Variants in UBAP2 observed in about 807,000 individuals in gnomAD.
The protein encoded by UBAP2 is ubiquitin associated protein 2.
Under a neutral mutation model 139.6 loss-of-function variants are expected in UBAP2, and 75 were observed. The ratio of observed to expected loss-of-function variants is 0.54; its 90% CI spans 0.45 to 0.65. The LOEUF is 0.65. Ranked by LOEUF, UBAP2 falls within the 30% of genes least tolerant of loss-of-function variation. UBAP2 has a pLI of 0.00. For synonymous variants in UBAP2, 526 were observed against 526.2 expected (o/e 1.00, Z 0.01); for missense variants, 1,368 against 1,369.6 (o/e 1.00, Z 0.02).
chr9:33,924,414 G>A, intron 22 of UBAP2, 130 bp from the exon 23 acceptor site: 3 of 877,972 alleles, frequency 3.4e-6, no homozygotes, highest in Non-Finnish European at 5.5e-6. Flanking sequence ...AGCAGTCCCA[G>A]GGAACGCCAA....
chr9:33,942,904 A>G (rs1161341813), intron 15 of UBAP2, among the ~76,000 whole-genome samples: 3 of 152,184 alleles, frequency 2.0e-5, no homozygotes, highest in Non-Finnish European at 4.4e-5. Context: ...AGTTTCCTGA[A>G]TGGTTAAGTT....
intron 2 of UBAP2, among the ~76,000 whole-genome samples, chr9:34,011,169 A>C (rs1223816587): frequency 6.6e-6 from 1 of 152,102 alleles, no homozygotes; most frequent in Non-Finnish European, 1.5e-5. Context: ...TAATAATCGC[A>C]TTTTGCTGTA....
At chr9:34,015,609 G>T (rs1463229564) in intron 2 of UBAP2, among the ~76,000 whole-genome samples, 1 of 152,072 alleles carries the variant, frequency 6.6e-6, no homozygotes, top group East Asian at 1.9e-4. Flanking sequence ...TTACAGGCAT[G>T]AGCCACTGCG....
At chr9:33,974,959 G>C (rs556329961) in intron 6 of UBAP2, among the ~76,000 whole-genome samples, 2 of 147,558 alleles carry the variant, frequency 1.4e-5, no homozygotes, top group Non-Finnish European at 1.5e-5. Flanking sequence ...GCGGGGGGGC[G>C]GGCAATGGAC....
intron 16 of UBAP2, among the ~76,000 whole-genome samples, chr9:33,936,326 G>A (rs1239353585): frequency 6.6e-6 from 1 of 151,962 alleles, no homozygotes; most frequent in African/African-American, 2.4e-5. Flanking sequence ...ATGGTGTCTT[G>A]CGCTGTCACC....
intron 8 of UBAP2, among the ~76,000 whole-genome samples, chr9:33,970,044 C>T (rs1827798724): frequency 6.8e-6 from 1 of 148,076 alleles, no homozygotes; most frequent in South Asian, 2.2e-4. Flanking sequence ...ATCCTCCCAC[C>T]TCAGCATCCC....
intron 16 of UBAP2, among the ~76,000 whole-genome samples, chr9:33,937,183 A>G (rs1482486715): frequency 1.3e-5 from 2 of 152,232 alleles, no homozygotes; most frequent in Non-Finnish European, 2.9e-5. Context: ...ATCAAGAACT[A>G]ATGTCTAAAA....
intron 2 of UBAP2, among the ~76,000 whole-genome samples, chr9:34,002,447 G>T (rs867240740): frequency 6.8e-6 from 1 of 147,334 alleles, no homozygotes; most frequent in South Asian, 2.1e-4. Context: ...GCGCGATATC[G>T]GCTCACTGCA....
At chr9:34,001,933 T>C (rs1298571273) in intron 2 of UBAP2, among the ~76,000 whole-genome samples, 1 of 150,900 alleles carries the variant, frequency 6.6e-6, no homozygotes, top group East Asian at 1.9e-4. Context: ...ACACCAAAAC[T>C]ATTTATGTAT....
In UBAP2 at chr9:34,022,476, T is replaced by C. The variant is rs562464601; in HGVS notation, c.-41-5287A>G. On this transcript the variant is annotated intron_variant, in intron 1 of 28. Transcript: ENST00000379238. ...TTTTTAAGACACAGTCTGGCTTTGT[T>C]GCCCAGGCTGGAGTGCAGTGGCACG... Among the ~76,000 whole-genome samples the C allele has an allele frequency of 6.4e-4, 95 of 149,358 alleles. 1 individual carries two copies. The East Asian group carries it at 0.016, about 26-fold the overall frequency.
chr9:33,956,512 A>G (rs1436757964), intron 10 of UBAP2, among the ~76,000 whole-genome samples: 1 of 152,038 alleles, frequency 6.6e-6, no homozygotes, highest in African/African-American at 2.4e-5. Context: ...TATTTTTAGT[A>G]GAAACAGGGT....
At chr9:33,929,985 CAAGAGT>C (rs1017863761) in intron 19 of UBAP2, among the ~76,000 whole-genome samples, 2 of 151,694 alleles carry the variant, frequency 1.3e-5, no homozygotes, top group African/African-American at 4.8e-5. Context: ...GCCTAGGCCA[CAAGAGT>C]AAAACTCCGT....
intron 6 of UBAP2, 31 bp from the exon 7 acceptor site, chr9:33,973,268 A>G: frequency 6.2e-7 from 1 of 1,600,444 alleles, no homozygotes; most frequent in East Asian, 2.2e-5. Flanking sequence ...ATAGTATAAA[A>G]TAATACTTAT....
At chr9:33,947,575 A>T (rs1257185393) in intron 13 of UBAP2, among the ~76,000 whole-genome samples, 1 of 152,142 alleles carries the variant, frequency 6.6e-6, no homozygotes, top group African/African-American at 2.4e-5. Flanking sequence ...TGATCTCAGC[A>T]CTTTTGGAGG....
At chr9:34,007,171 T>C (rs991421904) in intron 2 of UBAP2, among the ~76,000 whole-genome samples, 16 of 152,150 alleles carry the variant, frequency 1.1e-4, no homozygotes, top group African/African-American at 3.9e-4. Flanking sequence ...TTTCCTTCTC[T>C]TGCCTATTTG....
intron 1 of UBAP2, among the ~76,000 whole-genome samples, chr9:34,041,298 C>CA (rs34270173): frequency 0.13 from 17,271 of 134,068 alleles, 1,314 homozygotes; most frequent in African/African-American, 0.22. Flanking sequence ...ACTAAAAATG[C>CA]AAAAAAAAAA....
intron 1 of UBAP2, among the ~76,000 whole-genome samples, chr9:34,036,898 G>A (rs1295470067): frequency 2.1e-5 from 3 of 140,484 alleles, no homozygotes; most frequent in South Asian, 2.2e-4. Context: ...ACTGACCTCT[G>A]CCTCCCCTCC....
intron 1 of UBAP2, among the ~76,000 whole-genome samples, chr9:34,021,766 TGG>T (rs1415724610): frequency 6.6e-6 from 1 of 151,832 alleles, no homozygotes; most frequent in Non-Finnish European, 1.5e-5. Flanking sequence ...CCCAAGCAGC[TGG>T]GACTACAGAC....
chr9:33,948,497 G>A lies in UBAP2; in HGVS notation c.1147C>T (p.Pro383Ser), dbSNP rs1429316173. 1 of 1,614,130 alleles carries A rather than the reference G, an allele frequency of 6.2e-7. No homozygotes were observed. Among genetic ancestry groups the A allele is most frequent in the Non-Finnish European group, 8.5e-7 (1 of 1,180,036 alleles). ...GTGGTGGTAAACTGGCCCAAACTCGGAGCTTTCAACTGGTCCAAAATCTGG... is the reference window on the plus strand; with the variant it reads ...GTGGTGGTAAACTGGCCCAAACTCGAAGCTTTCAACTGGTCCAAAATCTGG... ...SSQILDQLKA[P>S]SLGQFTTTPS... is the part of the protein sequence containing the mutation. The change falls in exon 13 of 29, where the codon CCG (proline) becomes TCG (serine). Residue 383 changes from proline (P) to serine (S), a missense_variant. Transcript: ENST00000379238.
Sources: allele counts gnomAD v4.1 joint callset (sites outside exome capture counted in the v4.1 genomes callset), GRCh38; gene constraint gnomAD v4.1.1; transcripts MANE v1.5; gene names NCBI Gene and HGNC (gene_info 2026-07-23, HGNC 2026-07-21).